Variants in HMGXB3 observed in about 807,000 individuals in gnomAD.
HMGXB3 encodes HMG-box containing 3, also known as HMG domain-containing protein 3.
In HMGXB3, 45 loss-of-function variants were observed where a neutral mutation model predicts 121.5. The observed-to-expected ratio is 0.37, with a 90% CI of 0.29 to 0.47. The LOEUF (loss-of-function observed/expected upper bound fraction) is 0.47. Among genes scored for constraint, HMGXB3 ranks in the 20% least tolerant of loss-of-function variants. The pLI is 0.99. For missense variants in HMGXB3, 1,376 were observed against 1,602.2 expected (o/e 0.86, Z 2.41); for synonymous variants, 590 against 624.1 (o/e 0.95, Z 0.81).
chr5:150,004,703 C>A, intron 1 of HMGXB3, 148 bp from the exon 2 acceptor site: 2 of 493,744 alleles, frequency 4.1e-6, no homozygotes, highest in Non-Finnish European at 3.5e-6. Flanking sequence ...GTTAAACAAC[C>A]AAGCCAGGTG....
At chr5:150,044,331 T>G (rs1490978475) in intron 15 of HMGXB3, among the ~76,000 whole-genome samples, 1 of 152,228 alleles carries the variant, frequency 6.6e-6, no homozygotes, top group Non-Finnish European at 1.5e-5. Context: ...TGGCATTTCC[T>G]GTTCCCTTGC....
intron 9 of HMGXB3, among the ~76,000 whole-genome samples, chr5:150,028,408 T>TTA (rs1383296368): frequency 3.1e-3 from 448 of 145,026 alleles, no homozygotes; most frequent in East Asian, 0.014. Flanking sequence ...AGACCCGATT[T>TTA]TATATATATA....
chr5:150,037,511 C>G lies in HMGXB3; in HGVS notation c.2397C>G (p.Phe799Leu). The G allele has an allele frequency of 6.5e-7, 1 of 1,547,632 alleles. No homozygotes were observed. Among genetic ancestry groups the G allele is most frequent in the East Asian group, 2.5e-5 (1 of 40,794 alleles). The change falls in exon 13 of 20, where the codon TTC becomes TTG. Residue 799 changes from phenylalanine to leucine, a missense_variant. By Grantham distance (22) the Phe-to-Leu change is conservative. Coordinates refer to ENST00000502717, the MANE Select transcript of HMGXB3 (RefSeq NM_014983.3). ...CCCATTGTCTGGCCCTGCACAGCTT[C>G]ATAGACATCTACACAGGTGGGTGCC... ...LNPHCLALHS[F>L]IDIYTGLFNV...
In HMGXB3 at chr5:150,052,477, G is replaced by A. The variant is rs2116810; in HGVS notation, c.*285G>A. On this transcript the variant is annotated 3_prime_UTR_variant, in exon 20 of 20. Coordinates refer to ENST00000502717, the MANE Select transcript of HMGXB3 (RefSeq NM_014983.3). ...GGAGGGGAGGCTGAGGGAAAGGCTC[G>A]TAGCTGGTGGGTTCCGTGGGGCCTG... is the stretch of plus-strand genomic sequence containing the variant. The A allele has an allele frequency of 0.45, 177,098 of 396,976 alleles. 44,441 individuals are homozygous for A. Among genetic ancestry groups the A allele is most frequent in the Non-Finnish European group, 0.54 (116,857 of 217,220 alleles). The allele number at this position is 396,976 out of a possible 1,614,324, so 24.6% of individuals were successfully genotyped here. A position where few individuals can be genotyped will look rare whatever the true frequency, so the allele number is the denominator to read the frequency against.
rs563686249 is a variant in HMGXB3 at position 150,015,110 on chromosome 5, C to T, written c.909+2757C>T. 2.0e-4 allele frequency: 70 copies of T among 344,892 alleles called. No individual in the cohort carries two copies. In the East Asian group the frequency reaches 3.8e-3, roughly 18 times the overall value. 21.4% of individuals were successfully genotyped at this position (344,892 alleles called of 1,614,324 possible). On this transcript the variant is annotated intron_variant, in intron 5 of 19. Transcript: ENST00000502717. ...TATGGAGATACAGGAGAATGTATTG[C>T]GGCCATCCAGTCTGTGAACCAGCAG...
intron 9 of HMGXB3, 109 bp downstream of exon 9, chr5:150,027,226 C>A: frequency 2.8e-6 from 2 of 722,272 alleles, no homozygotes. Context: ...GTTGGCAGAC[C>A]TCTGGGTGGA....
At chr5:150,025,137 A>G (rs1756197184) in intron 7 of HMGXB3, among the ~76,000 whole-genome samples, 1 of 152,212 alleles carries the variant, frequency 6.6e-6, no homozygotes. Context: ...CTCTCCTCTG[A>G]AGAATCTTGA....
In HMGXB3 at chr5:150,038,702, C is replaced by T. The variant is rs372835764; in HGVS notation, c.2413+1175C>T. Among the ~76,000 whole-genome samples the T allele has an allele frequency of 1.8e-3, 274 of 152,338 alleles. 1 individual carries two copies. Among genetic ancestry groups the T allele is most frequent in the Non-Finnish European group, 3.2e-3 (220 of 68,034 alleles). On this transcript the variant is annotated intron_variant, in intron 13 of 19. Coordinates refer to ENST00000502717, the MANE Select transcript of HMGXB3 (RefSeq NM_014983.3). ...ATGTCATGTGAAAGCAATTATGGCA[C>T]GTAGCCTTTTGAGTCTGGCTTCTTT... is the stretch of plus-strand genomic sequence containing the variant.
rs561092571 is a variant in HMGXB3 at position 150,017,811 on chromosome 5, G to A, written c.910-755G>A. Among the ~76,000 whole-genome samples, 7 of 152,282 alleles carry A rather than the reference G, an allele frequency of 4.6e-5. No individual in the cohort carries two copies. The East Asian group carries it at 5.8e-4, about 13-fold the overall frequency. On this transcript the variant is annotated intron_variant, in intron 5 of 19. Coordinates refer to ENST00000502717, the MANE Select transcript of HMGXB3 (RefSeq NM_014983.3). ...TTTTTTCCAGCCTTAATCTAGAAGC[G>A]GAGCATGACTAATGAATGAGTCGTT...
intron 7 of HMGXB3, among the ~76,000 whole-genome samples, chr5:150,025,203 A>G (rs751030699): frequency 6.6e-6 from 1 of 152,234 alleles, no homozygotes; most frequent in Non-Finnish European, 1.5e-5. Context: ...TGAAGATTGT[A>G]TATAAAACAT....
intron 14 of HMGXB3, among the ~76,000 whole-genome samples, chr5:150,041,447 G>A (rs1023189018): frequency 1.3e-5 from 2 of 152,202 alleles, no homozygotes; most frequent in Non-Finnish European, 2.9e-5. Context: ...AGTTATTCTT[G>A]TGCCTCTGTT....
intron 10 of HMGXB3, among the ~76,000 whole-genome samples, 194 bp downstream of exon 10, chr5:150,031,033 G>A (rs1756364010): frequency 6.6e-6 from 1 of 152,128 alleles, no homozygotes; most frequent in African/African-American, 2.4e-5. Context: ...GGGTTGTTTT[G>A]GTCTCTTTCC....
intron 10 of HMGXB3, among the ~76,000 whole-genome samples, chr5:150,031,343 C>T (rs1182627830): frequency 1.3e-5 from 2 of 152,222 alleles, no homozygotes; most frequent in African/African-American, 2.4e-5. Context: ...TATTAACGTC[C>T]TAATGGACAA....
At chr5:150,021,466 A>G in intron 6 of HMGXB3, 1 of 239,442 alleles carries the variant, frequency 4.2e-6, no homozygotes, top group Non-Finnish European at 8.3e-6. Context: ...ATGGCCCAGG[A>G]TGGCTTTGAA....
chr5:150,015,838 T>C (rs943199729), intron 5 of HMGXB3, among the ~76,000 whole-genome samples: 1 of 152,260 alleles, frequency 6.6e-6, no homozygotes, highest in African/African-American at 2.4e-5. Context: ...ACCTTTTTGA[T>C]TTATTTAAAC....
At chr5:150,044,629 G>T (rs1175774159) in intron 15 of HMGXB3, among the ~76,000 whole-genome samples, 3 of 152,174 alleles carry the variant, frequency 2.0e-5, no homozygotes, top group Admixed American at 6.5e-5. Flanking sequence ...CAAGTTGTCA[G>T]ATGATACTCT....
intron 7 of HMGXB3, among the ~76,000 whole-genome samples, chr5:150,025,331 CTG>C (rs1487559534): frequency 3.9e-5 from 6 of 152,280 alleles, no homozygotes; most frequent in Non-Finnish European, 7.3e-5. Flanking sequence ...GTTCTTGTAA[CTG>C]AAGACCCTTA....
At chr5:150,002,733 C>T (rs1755604871) in intron 1 of HMGXB3, among the ~76,000 whole-genome samples, 1 of 152,222 alleles carries the variant, frequency 6.6e-6, no homozygotes, top group Admixed American at 6.5e-5. Context: ...GACATAAAAG[C>T]TGTTAGTAGA....
intron 9 of HMGXB3, among the ~76,000 whole-genome samples, chr5:150,028,501 ATGTATGTGTGTGTGTGTGTGTG>A (rs1756291336): frequency 2.1e-5 from 2 of 96,842 alleles, no homozygotes; most frequent in Admixed American, 1.2e-4. Context: ...ATATATATGT[ATGTATGTGTGTGTGTGTGTGTG>A]TGTGTGTGTG....
Sources: gnomAD v4.1 joint callset for allele counts (sites outside exome capture counted in the v4.1 genomes callset) on GRCh38, gnomAD v4.1.1 for gene constraint, MANE v1.5 for transcripts, NCBI Gene and HGNC (gene_info 2026-07-23, HGNC 2026-07-21) for gene names.